VEPH1: variants seen among roughly 807,000 people sequenced by gnomAD.
VEPH1 encodes the protein ventricular zone-expressed PH domain-containing protein homolog 1.
Under a neutral mutation model 85.2 loss-of-function variants are expected in VEPH1, and 80 were observed. The ratio of observed to expected loss-of-function variants is 0.94; its 90% CI spans 0.78 to 1.13. VEPH1 has a LOEUF of 1.13. VEPH1 is among the 50% of genes most tolerant of loss of function. The pLI, the probability that VEPH1 is intolerant of heterozygous loss-of-function variation, is 0.00. For synonymous variants in VEPH1, 297 were observed against 348.0 expected, an observed-to-expected ratio of 0.85 and a Z score of 1.63; for missense variants, 955 against 980.5, an observed-to-expected ratio of 0.97 and a Z score of 0.35.
chr3:157,392,727 T>A (rs988531708), intron 6 of VEPH1, among the ~76,000 whole-genome samples: 11 of 152,208 alleles, frequency 7.2e-5, no homozygotes, highest in African/African-American at 2.7e-4. Flanking sequence ...AGGTTGTGGA[T>A]TGGACAAGCT....
At chr3:157,343,426 G>A (rs1559975763) in intron 9 of VEPH1, among the ~76,000 whole-genome samples, 1 of 152,128 alleles carries the variant, frequency 6.6e-6, no homozygotes, top group Non-Finnish European at 1.5e-5. Flanking sequence ...AGAAAATATA[G>A]AAGAAATGGA....
intron 4 of VEPH1, chr3:157,442,320 A>G: frequency 7.0e-7 from 1 of 1,425,408 alleles, no homozygotes; most frequent in Non-Finnish European, 9.5e-7. Flanking sequence ...ATTCTGAATT[A>G]ATTTATATTT....
At chr3:157,461,437 C>T (rs1735863901) in intron 3 of VEPH1, among the ~76,000 whole-genome samples, 1 of 152,190 alleles carries the variant, frequency 6.6e-6, no homozygotes, top group African/African-American at 2.4e-5. Flanking sequence ...TATTTGATGA[C>T]AGACAAAGTT....
At chr3:157,377,924 A>G (rs899622808) in intron 7 of VEPH1, among the ~76,000 whole-genome samples, 2 of 152,144 alleles carry the variant, frequency 1.3e-5, no homozygotes, top group Admixed American at 1.3e-4. Flanking sequence ...TTCTCTTTAT[A>G]TAAAGCTTTT....
chr3:157,452,500 A>G (rs1345007105), intron 4 of VEPH1, among the ~76,000 whole-genome samples: 4 of 152,230 alleles, frequency 2.6e-5, no homozygotes, highest in Non-Finnish European at 5.9e-5. Flanking sequence ...AATTTTGTCC[A>G]GAGATAAAGT....
chr3:157,267,332 G>A (rs1324124563), intron 12 of VEPH1, among the ~76,000 whole-genome samples: 1 of 149,106 alleles, frequency 6.7e-6, no homozygotes, highest in Non-Finnish European at 1.5e-5. Context: ...CCTGGCCTCA[G>A]GTGATCCATC....
chr3:157,325,412 C>T (rs2202058), intron 9 of VEPH1, among the ~76,000 whole-genome samples: 33,941 of 152,052 alleles, frequency 0.22, 4,623 homozygotes, highest in Admixed American at 0.41. Context: ...GAAATCTTTG[C>T]CTGTGCCTAT....
chr3:157,325,874 C>T (rs1721843253), intron 9 of VEPH1, among the ~76,000 whole-genome samples: 1 of 152,114 alleles, frequency 6.6e-6, no homozygotes, highest in South Asian at 2.1e-4. Flanking sequence ...TGAAGAATGT[C>T]AATGGTAGTT....
At chr3:157,296,014 A>G (rs1371166381) in intron 11 of VEPH1, among the ~76,000 whole-genome samples, 2 of 152,222 alleles carry the variant, frequency 1.3e-5, no homozygotes, top group East Asian at 3.8e-4. Context: ...AATTTTATAG[A>G]TGCTGAAATG....
chr3:157,391,725 A>G (rs1189346191), intron 6 of VEPH1, among the ~76,000 whole-genome samples: 3 of 152,234 alleles, frequency 2.0e-5, no homozygotes, highest in Non-Finnish European at 4.4e-5. Flanking sequence ...ATCTACACAT[A>G]AGAAATCCAG....
At chr3:157,299,135 T>C (rs1464359434) in intron 11 of VEPH1, among the ~76,000 whole-genome samples, 1 of 152,226 alleles carries the variant, frequency 6.6e-6, no homozygotes, top group African/African-American at 2.4e-5. Context: ...AAGAAAATAA[T>C]GCTCATTACT....
intron 6 of VEPH1, among the ~76,000 whole-genome samples, chr3:157,391,696 T>C (rs564288448): frequency 2.0e-5 from 3 of 152,306 alleles, no homozygotes; most frequent in Admixed American, 6.5e-5. Context: ...ACTTTCCTAA[T>C]CTTGCTAGAG....
At chr3:157,400,844 G>A (rs1184141972) in intron 6 of VEPH1, among the ~76,000 whole-genome samples, 1 of 151,974 alleles carries the variant, frequency 6.6e-6, no homozygotes, top group East Asian at 1.9e-4. Flanking sequence ...CTATAGTTTG[G>A]ATTTACTCTC....
chr3:157,421,909 C>T (rs1440429765), intron 5 of VEPH1, among the ~76,000 whole-genome samples: 1 of 152,078 alleles, frequency 6.6e-6, no homozygotes, highest in Non-Finnish European at 1.5e-5. Flanking sequence ...ACCCTGGCCT[C>T]TTTGTTCTGG....
chr3:157,381,380 C>A lies in VEPH1; in HGVS notation c.907-4G>T. 6 of 1,613,848 alleles carry A rather than the reference C, an allele frequency of 3.7e-6. No homozygotes were observed. Among genetic ancestry groups the A allele is most frequent in the Non-Finnish European group, 5.1e-6 (6 of 1,179,848 alleles). On this transcript the variant is annotated splice_polypyrimidine_tract_variant and splice_region_variant and intron_variant, in intron 6 of 13. Coordinates refer to ENST00000362010, the MANE Select transcript of VEPH1 (RefSeq NM_001167912.2). ...TCAGGCAGCTCCTGGCTCTCTCCTA[C>A]CAAAAACAATGAAGAAAATAGGTTT... is the stretch of plus-strand genomic sequence containing the variant.
At chr3:157,344,091 G>A (rs1425423379) in intron 9 of VEPH1, among the ~76,000 whole-genome samples, 3 of 152,126 alleles carry the variant, frequency 2.0e-5, no homozygotes, top group East Asian at 3.8e-4. Flanking sequence ...GGCAAAAACT[G>A]GAAACATTCC....
chr3:157,442,886 C>G (rs749075415), intron 4 of VEPH1: 3 of 1,613,930 alleles, frequency 1.9e-6, no homozygotes, highest in African/African-American at 2.7e-5. Context: ...TAAGAGAGAC[C>G]GGAGGAGCAG....
At chr3:157,321,876 G>T (rs906322383) in intron 9 of VEPH1, among the ~76,000 whole-genome samples, 9 of 152,136 alleles carry the variant, frequency 5.9e-5, no homozygotes, top group Non-Finnish European at 1.3e-4. Context: ...TGAGCTCCAT[G>T]AGGGTAATGA....
chr3:157,451,162 T>A (rs564063815), intron 4 of VEPH1, among the ~76,000 whole-genome samples: 1 of 152,344 alleles, frequency 6.6e-6, no homozygotes, highest in South Asian at 2.1e-4. Context: ...ATTGTAATGA[T>A]CTGTTCTTTG....
Sources: allele counts gnomAD v4.1 joint callset (sites outside exome capture counted in the v4.1 genomes callset), GRCh38; gene constraint gnomAD v4.1.1; transcripts MANE v1.5; gene names NCBI Gene and HGNC (gene_info 2026-07-23, HGNC 2026-07-21).